SOX5: variants seen among roughly 807,000 people sequenced by gnomAD.
SOX5 encodes the protein transcription factor SOX-5.
In SOX5, 9 loss-of-function variants were observed where a neutral mutation model predicts 92.0. The observed-to-expected ratio is 0.10, with a 90% CI of 0.06 to 0.17. The LOEUF is 0.17. Ranked by LOEUF, SOX5 falls within the 10% of genes least tolerant of loss-of-function variation. The pLI is 1.00. For synonymous variants in SOX5, 344 were observed against 336.3 expected (o/e 1.02, Z -0.25); for missense variants, 642 against 944.5 (o/e 0.68, Z 4.20).
chr12:24,441,261 T>C (rs559962781), intron 1 of SOX5, among the ~76,000 whole-genome samples: 41 of 152,336 alleles, frequency 2.7e-4, no homozygotes, highest in African/African-American at 9.6e-4. Flanking sequence ...CATCCTACAC[T>C]GCGTGTGCAA....
At chr12:24,091,447 T>TTTTTTTTTTTA (rs71059972) in intron 4 of SOX5, among the ~76,000 whole-genome samples, 1 of 141,394 alleles carries the variant, frequency 7.1e-6, no homozygotes, top group African/African-American at 2.6e-5. Flanking sequence ...TTTTTTTTTT[T>TTTTTTTTTTTA]GAGATGGAGT....
intron 4 of SOX5, among the ~76,000 whole-genome samples, chr12:23,956,876 C>T: frequency 6.6e-6 from 1 of 152,222 alleles, no homozygotes; most frequent in East Asian, 1.9e-4. Context: ...GTTGGCCAGG[C>T]TGATCTCGAA....
At chr12:23,932,942 C>A (rs1463110628) in intron 1 of SOX5, among the ~76,000 whole-genome samples, 2 of 151,530 alleles carry the variant, frequency 1.3e-5, no homozygotes, top group Non-Finnish European at 3.0e-5. Flanking sequence ...AAGTAATATT[C>A]TCATATTGAT....
intron 1 of SOX5, among the ~76,000 whole-genome samples, chr12:24,463,784 T>C (rs1279058521): frequency 6.6e-6 from 1 of 152,240 alleles, no homozygotes; most frequent in African/African-American, 2.4e-5. Flanking sequence ...ATTGCCCTTT[T>C]GATCTGAAGC....
At chr12:23,935,744 T>A (rs964263478) in intron 1 of SOX5, among the ~76,000 whole-genome samples, 1 of 151,196 alleles carries the variant, frequency 6.6e-6, no homozygotes, top group Non-Finnish European at 1.5e-5. Context: ...ATTTATATCA[T>A]CTACATTTTC....
At chr12:23,954,975 A>C (rs566344042), upstream of SOX5, among the ~76,000 whole-genome samples, 1 of 152,240 alleles carries the variant, frequency 6.6e-6, no homozygotes, top group South Asian at 2.1e-4. Flanking sequence ...ATTTCTATCT[A>C]TATGATACAT....
chr12:23,966,149 T>A (rs1158785496), intron 4 of SOX5, among the ~76,000 whole-genome samples: 1 of 144,890 alleles, frequency 6.9e-6, no homozygotes, highest in African/African-American at 2.6e-5. Context: ...ATCTAACATC[T>A]TTTTTTCCAG....
intron 1 of SOX5, among the ~76,000 whole-genome samples, chr12:24,521,843 CT>C (rs1566378487): frequency 6.6e-6 from 1 of 151,396 alleles, no homozygotes; most frequent in Non-Finnish European, 1.5e-5. Context: ...CAACAAGTGC[CT>C]AAATTAAAAA....
rs541223163 is a variant in SOX5 at position 24,229,171 on chromosome 12, G to T, written c.-76-15754C>A. Among the ~76,000 whole-genome samples the T allele has an allele frequency of 3.9e-5, 6 of 152,300 alleles. No individual in the cohort carries two copies. The East Asian group carries it at 9.6e-4, about 24-fold the overall frequency. On this transcript the variant is annotated intron_variant, in intron 3 of 4. Transcript: ENST00000446891. The stretch of plus-strand genomic sequence containing the variant: ...GCTGCCTCCACCAGCATCAGGCACC[G>T]CCGAGTTTGTGTGGAAGGGCAGCAA...
At chr12:24,110,806 C>A (rs1408215749) in intron 4 of SOX5, among the ~76,000 whole-genome samples, 1 of 139,512 alleles carries the variant, frequency 7.2e-6, no homozygotes, top group African/African-American at 2.7e-5. Flanking sequence ...GAGGCTGAGG[C>A]GGAAGGATGG....
At chr12:24,210,642 A>C (rs1166976702) in intron 4 of SOX5, among the ~76,000 whole-genome samples, 1 of 152,212 alleles carries the variant, frequency 6.6e-6, no homozygotes, top group Non-Finnish European at 1.5e-5. Context: ...TAAATATTAT[A>C]TATCATTATC....
chr12:23,887,183 C>G (rs1219112642), intron 2 of SOX5, among the ~76,000 whole-genome samples: 2 of 152,154 alleles, frequency 1.3e-5, no homozygotes, highest in Non-Finnish European at 2.9e-5. Context: ...GCAGGAAGGT[C>G]TGGCAAAGCC....
intron 1 of SOX5, among the ~76,000 whole-genome samples, chr12:24,424,674 G>A (rs1019248709): frequency 1.3e-5 from 2 of 152,006 alleles, no homozygotes; most frequent in African/African-American, 4.8e-5. Flanking sequence ...CTCCTTTTCT[G>A]TCACTTCATG....
At chr12:24,052,566 C>G (rs969584663) in intron 4 of SOX5, among the ~76,000 whole-genome samples, 1 of 152,068 alleles carries the variant, frequency 6.6e-6, no homozygotes, top group African/African-American at 2.4e-5. Flanking sequence ...ATTTTTAACC[C>G]TTTCACAACC....
chr12:24,339,926 C>G (rs1009441252), intron 2 of SOX5, among the ~76,000 whole-genome samples: 4 of 152,238 alleles, frequency 2.6e-5, no homozygotes, highest in African/African-American at 9.6e-5. Context: ...TATTATCCCC[C>G]CTGGCTGTAG....
chr12:24,553,834 T>C (rs2138989285), intron 1 of SOX5, among the ~76,000 whole-genome samples: 1 of 152,352 alleles, frequency 6.6e-6, no homozygotes, highest in Non-Finnish European at 1.5e-5. Context: ...ATAGAGGACC[T>C]ATGAAATTTC....
intron 6 of SOX5, among the ~76,000 whole-genome samples, chr12:23,676,073 T>C (rs2085630791): frequency 6.6e-6 from 1 of 152,096 alleles, no homozygotes; most frequent in Non-Finnish European, 1.5e-5. Flanking sequence ...AATGCAGGGA[T>C]GGTGAAAATG....
At chr12:23,801,933 G>A (rs539919998) in intron 3 of SOX5, among the ~76,000 whole-genome samples, 204 of 152,160 alleles carry the variant, frequency 1.3e-3, no homozygotes, top group Non-Finnish European at 2.3e-3. Context: ...ATTTACAGAC[G>A]TCCTTCAGAA....
intron 2 of SOX5, among the ~76,000 whole-genome samples, chr12:24,330,936 T>G (rs1477232167): frequency 2.6e-5 from 4 of 151,906 alleles, no homozygotes; most frequent in African/African-American, 9.7e-5. Flanking sequence ...GCAGACGGAG[T>G]TACAATGACT....
Sources: allele counts gnomAD v4.1 joint callset (sites outside exome capture counted in the v4.1 genomes callset), GRCh38; gene constraint gnomAD v4.1.1; transcripts MANE v1.5; gene names NCBI Gene and HGNC (gene_info 2026-07-23, HGNC 2026-07-21).